Variants in PRH1 observed in about 807,000 individuals in gnomAD.
The protein encoded by PRH1 is proline rich protein HaeIII subfamily 1.
Under a neutral mutation model 7.9 loss-of-function variants are expected in PRH1, and 7 were observed. The ratio of observed to expected loss-of-function variants is 0.89; its 90% CI spans 0.50 to 1.67. The LOEUF (loss-of-function observed/expected upper bound fraction) is 1.67, where lower values mean the gene tolerates loss of function less well. Ranked by LOEUF, PRH1 falls within the 40% of genes most tolerant of loss-of-function variation. The pLI, the probability that PRH1 is intolerant of heterozygous loss-of-function variation, is 0.00. For synonymous variants in PRH1, 45 were observed against 80.8 expected (o/e 0.56, Z 2.38); for missense variants, 109 against 223.6 (o/e 0.49, Z 3.27).
intron 1 of PRH1, among the ~76,000 whole-genome samples, chr12:11,007,740 A>C (rs1940893153): frequency 6.6e-6 from 1 of 152,012 alleles, no homozygotes; most frequent in African/African-American, 2.4e-5. Context: ...ATTTACCACA[A>C]GCACATCCCC....
intron 1 of PRH1, among the ~76,000 whole-genome samples, chr12:11,020,735 C>A (rs1210258986): frequency 2.6e-5 from 4 of 151,796 alleles, no homozygotes; most frequent in Admixed American, 2.0e-4. Context: ...AGTTTCTATA[C>A]CCTCCTTTGA....
At chr12:11,071,502 A>C (rs1944068147) in intron 1 of PRH1, among the ~76,000 whole-genome samples, 1 of 152,178 alleles carries the variant, frequency 6.6e-6, no homozygotes, top group African/African-American at 2.4e-5. Flanking sequence ...ACACAAAGGA[A>C]TGTAGAGTAG....
chr12:10,926,252 A>G (rs1282166020), intron 2 of PRH1, among the ~76,000 whole-genome samples: 4 of 152,198 alleles, frequency 2.6e-5, no homozygotes, highest in Non-Finnish European at 2.9e-5. Context: ...TCCAATGTAC[A>G]TAAACTGCCA....
At chr12:10,957,704 A>C (rs1474141952) in intron 2 of PRH1, among the ~76,000 whole-genome samples, 1 of 152,134 alleles carries the variant, frequency 6.6e-6, no homozygotes, top group African/African-American at 2.4e-5. Flanking sequence ...CATATAAGGA[A>C]TTTACATTTA....
chr12:11,150,966 G>C (rs927157576), intron 1 of PRH1, among the ~76,000 whole-genome samples: 1 of 152,142 alleles, frequency 6.6e-6, no homozygotes, highest in Non-Finnish European at 1.5e-5. Flanking sequence ...TGTCAGAGAG[G>C]TGGTTTCTCT....
chr12:11,168,285 AAAGAAAGAAAGAAAGAAGGAAGGAAG>A (rs1947672678), intron 1 of PRH1, among the ~76,000 whole-genome samples: 1 of 41,638 alleles, frequency 2.4e-5, no homozygotes. Context: ...AGAAAGAAAG[AAAGAAAGAAAGAAAGAAGGAAGGAAG>A]GAAGGAAGGA....
At chr12:10,891,933 G>A (rs1949579376) in intron 2 of PRH1, 1 of 151,198 alleles carries the variant, frequency 6.6e-6, no homozygotes, top group South Asian at 2.1e-4. Flanking sequence ...TCTCTGGAGA[G>A]AAGAAGAAGA....
intron 1 of PRH1, chr12:11,092,158 A>T: frequency 2.2e-6 from 3 of 1,351,548 alleles, no homozygotes; most frequent in Non-Finnish European, 3.1e-6. Flanking sequence ...CTATGAAGCC[A>T]TTAGCAAAAT....
intron 2 of PRH1, among the ~76,000 whole-genome samples, chr12:10,945,743 G>A (rs963043194): frequency 6.6e-6 from 1 of 152,162 alleles, no homozygotes; most frequent in Admixed American, 6.5e-5. Context: ...AAGCCTGGGA[G>A]TGCTACGGGA....
chr12:11,045,581 T>A (rs1942874225), intron 1 of PRH1, among the ~76,000 whole-genome samples: 2 of 152,088 alleles, frequency 1.3e-5, no homozygotes, highest in South Asian at 4.1e-4. Context: ...AAAAATACAT[T>A]TTAAAAAAAG....
chr12:10,991,114 G>A (rs1939910749), intron 1 of PRH1, among the ~76,000 whole-genome samples: 1 of 152,164 alleles, frequency 6.6e-6, no homozygotes, highest in African/African-American at 2.4e-5. Context: ...GGCATCAACA[G>A]CACACAGAAA....
intron 1 of PRH1, among the ~76,000 whole-genome samples, chr12:11,143,054 T>C (rs961829800): frequency 6.6e-6 from 1 of 152,050 alleles, no homozygotes; most frequent in African/African-American, 2.4e-5. Context: ...CACAGACTAG[T>C]ATAACACTGT....
chr12:11,043,437 T>C (rs1942791264), intron 1 of PRH1, among the ~76,000 whole-genome samples: 1 of 152,194 alleles, frequency 6.6e-6, no homozygotes, highest in Non-Finnish European at 1.5e-5. Context: ...GTAGAAGCTC[T>C]AGCTAGAGCA....
downstream of PRH1, among the ~76,000 whole-genome samples, chr12:11,119,890 C>A (rs1005981236): frequency 6.6e-6 from 1 of 152,044 alleles, no homozygotes; most frequent in African/African-American, 2.4e-5. Flanking sequence ...AAATAAATAA[C>A]TAAATGTAAC....
At chr12:10,931,166 G>C (rs1285757547) in intron 2 of PRH1, 1 of 1,571,218 alleles carries the variant, frequency 6.4e-7, no homozygotes, top group African/African-American at 1.4e-5. Flanking sequence ...TTGAAAAGCT[G>C]TTAATATTTC....
intron 2 of PRH1, among the ~76,000 whole-genome samples, chr12:10,918,155 T>C (rs1450654535): frequency 1.3e-5 from 2 of 152,038 alleles, no homozygotes; most frequent in African/African-American, 4.8e-5. Context: ...TCGCTTATAA[T>C]TGGGAGGTGA....
At chr12:10,937,807 AC>A (rs1384751304) in intron 2 of PRH1, 2 of 152,800 alleles carry the variant, frequency 1.3e-5, no homozygotes, top group African/African-American at 4.8e-5. Flanking sequence ...TTTTGCATAC[AC>A]GCTAATCAGG....
At chr12:11,103,239 C>CAT (rs374924740) in intron 1 of PRH1, among the ~76,000 whole-genome samples, 68,825 of 151,538 alleles carry the variant, frequency 0.45, 16,415 homozygotes, top group Non-Finnish European at 0.52. Context: ...GACACATGCA[C>CAT]ATATGTTTAT....
At chr12:11,006,002 A>C (rs1001388981) in intron 1 of PRH1, 3 of 152,130 alleles carry the variant, frequency 2.0e-5, no homozygotes, top group Non-Finnish European at 2.9e-5. Context: ...ATTAAGAAGA[A>C]TAGATGTTAG....
Sources: allele counts gnomAD v4.1 joint callset (sites outside exome capture counted in the v4.1 genomes callset), GRCh38; gene constraint gnomAD v4.1.1; transcripts MANE v1.5; gene names NCBI Gene and HGNC (gene_info 2026-07-23, HGNC 2026-07-21).